Variants in ADGRG6 observed in about 807,000 individuals in gnomAD.
ADGRG6 encodes the protein adhesion G protein-coupled receptor G6, also known as G-protein coupled receptor 126.
Under a neutral mutation model 142.4 loss-of-function variants are expected in ADGRG6, and 84 were observed. That is an observed-to-expected ratio of 0.59 (90% CI 0.49 to 0.71). The LOEUF (loss-of-function observed/expected upper bound fraction) is 0.71, where lower values mean the gene tolerates loss of function less well. ADGRG6 is among the 30% of genes least tolerant of loss of function. The probability of loss-of-function intolerance (pLI) is 0.00; values close to 1 mark genes in which losing one functional copy is unlikely to be tolerated. For missense variants in ADGRG6, 1,367 were observed against 1,466.6 expected (o/e 0.93, Z 1.11); for synonymous variants, 521 against 520.5 (o/e 1.00, Z -0.01).
intron 2 of ADGRG6, among the ~76,000 whole-genome samples, chr6:142,361,440 G>C (rs1039798787): frequency 1.3e-5 from 2 of 152,164 alleles, no homozygotes; most frequent in African/African-American, 2.4e-5. Flanking sequence ...GTAAAGGCAA[G>C]GGTAGCAGAG....
At chr6:142,356,485 T>A (rs928289785) in intron 2 of ADGRG6, among the ~76,000 whole-genome samples, 1 of 148,680 alleles carries the variant, frequency 6.7e-6, no homozygotes, top group Non-Finnish European at 1.5e-5. Flanking sequence ...AGTGGACAAA[T>A]GAACACAAAG....
intron 13 of ADGRG6, 145 bp from the exon 14 acceptor site, chr6:142,403,657 G>A (rs957935895): frequency 9.0e-6 from 5 of 557,276 alleles, no homozygotes; most frequent in African/African-American, 4.0e-5. Flanking sequence ...GTGGATTGGG[G>A]TAATTTTATG....
rs753381327 is a variant in ADGRG6 at position 142,302,285 on chromosome 6, G to A, written c.-45G>A. On this transcript the variant is annotated 5_prime_UTR_variant, in exon 1 of 25. Coordinates refer to ENST00000367609, the MANE Select transcript of ADGRG6 (RefSeq NM_198569.3). ...GGCAGCAGAGCGGGAAAGTGGTGGA[G>A]GATGATCTTGCGGCCAAAGGGGACC... 6.2e-7 allele frequency: 1 copy of A among 1,609,360 alleles called. No homozygotes were observed. Among genetic ancestry groups the A allele is most frequent in the South Asian group, 1.1e-5 (1 of 90,194 alleles).
chr6:142,334,148 T>A (rs1328994803), intron 2 of ADGRG6, among the ~76,000 whole-genome samples: 1 of 152,142 alleles, frequency 6.6e-6, no homozygotes, highest in Non-Finnish European at 1.5e-5. Context: ...AACTTGAAAT[T>A]CTAGAAATAT....
chr6:142,402,893 A>T (rs1775602468), intron 13 of ADGRG6, 63 bp downstream of exon 13: 1 of 842,896 alleles, frequency 1.2e-6, no homozygotes, highest in Admixed American at 2.6e-5. Context: ...ATGATTTCTC[A>T]CCTATCTGAA....
chr6:142,407,170 T>TAAAAAAAAA (rs11414768), intron 15 of ADGRG6, among the ~76,000 whole-genome samples: 4 of 121,034 alleles, frequency 3.3e-5, no homozygotes, highest in African/African-American at 1.3e-4. Context: ...CCCGTCTCTT[T>TAAAAAAAAA]AAAAAAAAAA....
chr6:142,405,709 G>T lies in ADGRG6; in HGVS notation c.2149G>T (p.Val717Leu). 1 of 1,607,828 alleles carries T rather than the reference G, an allele frequency of 6.2e-7. No homozygotes were observed. Among genetic ancestry groups the T allele is most frequent in the Non-Finnish European group, 8.5e-7 (1 of 1,175,056 alleles). Residue 717 changes from valine (V) to leucine (L), a missense_variant, in exon 15 of 25, where the codon GTG (valine) becomes TTG (leucine). Transcript: ENST00000367609. ...YFQMDFESGQ[V>L]DPLASVILPP... Reference sequence around the variant, plus strand: ...ACAGATGGATTTTGAGAGTGGACAAGTGGATCCACTGGCATCTGTAATTTT... The same window carrying T: ...ACAGATGGATTTTGAGAGTGGACAATTGGATCCACTGGCATCTGTAATTTT...
intron 6 of ADGRG6, among the ~76,000 whole-genome samples, chr6:142,389,509 G>T (rs952948719): frequency 6.6e-6 from 1 of 151,872 alleles, no homozygotes; most frequent in African/African-American, 2.4e-5. Flanking sequence ...TTGCTGGTGA[G>T]TTTGATTTTT....
intron 24 of ADGRG6, among the ~76,000 whole-genome samples, chr6:142,442,197 A>C (rs968195230): frequency 6.6e-5 from 10 of 152,204 alleles, no homozygotes; most frequent in South Asian, 2.1e-4. Flanking sequence ...TGATTTCTAA[A>C]AATTTTTCAG....
In ADGRG6 at chr6:142,390,088, T is replaced by G. The variant is rs117822305; in HGVS notation, c.1223-170T>G. On this transcript the variant is annotated intron_variant, in intron 6 of 24. Coordinates refer to ENST00000367609, the MANE Select transcript of ADGRG6 (RefSeq NM_198569.3). ...GCTTAACATCAAAATATTTCAGAAC[T>G]TTTTTTGCCTATGTAGAAGGTGTTT... Among the ~76,000 whole-genome samples the G allele has an allele frequency of 1.0e-3, 152 of 151,912 alleles. 1 individual carries two copies. In the East Asian group the frequency reaches 0.024, roughly 23 times the overall value.
chr6:142,410,954 G>GA (rs3215533), intron 17 of ADGRG6, among the ~76,000 whole-genome samples: 62,688 of 151,782 alleles, frequency 0.41, 15,031 homozygotes, highest in African/African-American at 0.67. Flanking sequence ...TTAACCCTCA[G>GA]AAAAAATTGT....
intron 22 of ADGRG6, among the ~76,000 whole-genome samples, chr6:142,432,888 C>T (rs1003434149): frequency 2.0e-5 from 3 of 152,226 alleles, no homozygotes; most frequent in Admixed American, 1.3e-4. Flanking sequence ...TACAGAAAGA[C>T]TACTAAGGTT....
chr6:142,416,341 C>T (rs1776358130), intron 20 of ADGRG6, among the ~76,000 whole-genome samples: 3 of 152,154 alleles, frequency 2.0e-5, no homozygotes, highest in Admixed American at 2.0e-4. Context: ...AGCCAGCCCA[C>T]CCAAGTCTGA....
chr6:142,428,869 C>G (rs540620188), intron 22 of ADGRG6, among the ~76,000 whole-genome samples: 1 of 152,202 alleles, frequency 6.6e-6, no homozygotes, highest in African/African-American at 2.4e-5. Flanking sequence ...ATTTAAGTTA[C>G]AGAGTAAACA....
intron 11 of ADGRG6, among the ~76,000 whole-genome samples, chr6:142,401,628 A>G (rs1562368054): frequency 6.6e-6 from 1 of 152,214 alleles, no homozygotes; most frequent in Non-Finnish European, 1.5e-5. Flanking sequence ...AATATCATTT[A>G]TAGGAAAACA....
At chr6:142,440,042 C>G (rs1169746735) in intron 24 of ADGRG6, among the ~76,000 whole-genome samples, 2 of 152,084 alleles carry the variant, frequency 1.3e-5, no homozygotes, top group Non-Finnish European at 2.9e-5. Flanking sequence ...TTGCTTTCCT[C>G]TTAAACAGCT....
chr6:142,337,714 T>C (rs973983521), intron 2 of ADGRG6, among the ~76,000 whole-genome samples: 2 of 152,106 alleles, frequency 1.3e-5, no homozygotes, highest in Non-Finnish European at 2.9e-5. Context: ...TAAATGTTGG[T>C]TGCAGTCAAG....
chr6:142,440,165 G>A (rs1777682726), intron 24 of ADGRG6, among the ~76,000 whole-genome samples: 1 of 152,176 alleles, frequency 6.6e-6, no homozygotes, highest in Non-Finnish European at 1.5e-5. Context: ...AGGGCTATAG[G>A]ATTCGGGGGA....
intron 18 of ADGRG6, 107 bp from the exon 19 acceptor site, chr6:142,414,862 C>A: frequency 2.7e-6 from 2 of 738,770 alleles, no homozygotes; most frequent in Non-Finnish European, 4.1e-6. Context: ...TGGTTTTAGC[C>A]CCTGAGAGTA....
Sources: gnomAD v4.1 joint callset for allele counts (sites outside exome capture counted in the v4.1 genomes callset) on GRCh38, gnomAD v4.1.1 for gene constraint, MANE v1.5 for transcripts, NCBI Gene and HGNC (gene_info 2026-07-23, HGNC 2026-07-21) for gene names.